The following GLB1 variants were observed in gnomAD, a reference collection of about 807,000 sequenced individuals.
The protein encoded by GLB1 is galactosidase beta 1.
A neutral mutation model predicts 74.0 loss-of-function variants in GLB1; 56 were observed. That is an observed-to-expected ratio of 0.76 (90% CI 0.61 to 0.94). The LOEUF (loss-of-function observed/expected upper bound fraction) is 0.94, where lower values mean the gene tolerates loss of function less well. GLB1 is among the 40% of genes least tolerant of loss of function. The pLI is 0.00. For synonymous variants in GLB1, 323 were observed against 323.6 expected (o/e 1.00, Z 0.02); for missense variants, 787 against 845.5 (o/e 0.93, Z 0.86).
intron 1 of GLB1, among the ~76,000 whole-genome samples, chr3:33,074,706 C>A (rs1487059727): frequency 6.6e-6 from 1 of 152,100 alleles, no homozygotes; most frequent in Non-Finnish European, 1.5e-5. Context: ...TTTTAAGAAG[C>A]CAACTAACTA....
the GLB1 span, among the ~76,000 whole-genome samples, chr3:32,964,925 C>G: frequency 6.6e-6 from 1 of 152,094 alleles, no homozygotes; most frequent in South Asian, 2.1e-4. Flanking sequence ...CTCATGAGAT[C>G]TGATGGTTTT....
chr3:33,095,584 G>A (rs1297722455), intron 1 of GLB1, among the ~76,000 whole-genome samples: 1 of 152,202 alleles, frequency 6.6e-6, no homozygotes, highest in Non-Finnish European at 1.5e-5. Flanking sequence ...GCCTCCCTGT[G>A]TGGGCCTCAG....
the GLB1 span, among the ~76,000 whole-genome samples, chr3:32,984,681 T>C: frequency 6.6e-6 from 1 of 152,066 alleles, no homozygotes; most frequent in Admixed American, 6.5e-5. Flanking sequence ...CCCAGCACTT[T>C]GGGAGGCTGA....
chr3:33,068,714 G>A, intron 3 of GLB1, 106 bp downstream of exon 3: 2 of 1,595,422 alleles, frequency 1.3e-6, no homozygotes, highest in Non-Finnish European at 8.5e-7. Flanking sequence ...TACAGTCCCA[G>A]GCCCCATGCT....
At chr3:33,071,983 G>C (rs150802955) in intron 2 of GLB1, among the ~76,000 whole-genome samples, 2 of 152,302 alleles carry the variant, frequency 1.3e-5, no homozygotes, top group East Asian at 3.9e-4. Flanking sequence ...TGGAATCTAA[G>C]TGTAAAAAGT....
chr3:33,026,439 C>T (rs1697760654), intron 10 of GLB1, among the ~76,000 whole-genome samples: 1 of 152,170 alleles, frequency 6.6e-6, no homozygotes, highest in African/African-American at 2.4e-5. Flanking sequence ...TGTAGGCGTC[C>T]CTTGGCACAA....
At chr3:33,068,359 C>G in intron 3 of GLB1, 69 bp from the exon 4 acceptor site, 1 of 1,593,230 alleles carries the variant, frequency 6.3e-7, no homozygotes. Flanking sequence ...ATAGAAATTA[C>G]TATTAGTAGT....
the GLB1 span, among the ~76,000 whole-genome samples, chr3:32,977,206 A>AG: frequency 7.8e-6 from 1 of 128,406 alleles, no homozygotes; most frequent in South Asian, 3.2e-4. Flanking sequence ...AACCTCATCT[A>AG]GATTTTTTTT....
chr3:33,056,978 T>C (rs149342406), intron 6 of GLB1, among the ~76,000 whole-genome samples: 4 of 152,340 alleles, frequency 2.6e-5, no homozygotes, highest in African/African-American at 9.6e-5. Flanking sequence ...TTGATATGGT[T>C]TGGATCTGTG....
chr3:33,028,667 T>A (rs76236592), intron 10 of GLB1, among the ~76,000 whole-genome samples: 11,809 of 128,302 alleles, frequency 0.092, 554 homozygotes, highest in East Asian at 0.26. Flanking sequence ...TACCCAAAAA[T>A]TTTTTTTTTT....
chr3:33,059,995 T>C (rs1380740922), intron 5 of GLB1, among the ~76,000 whole-genome samples: 1 of 152,176 alleles, frequency 6.6e-6, no homozygotes, highest in African/African-American at 2.4e-5. Flanking sequence ...GAGGTAGCTC[T>C]AGAAGAAAAG....
intron 10 of GLB1, among the ~76,000 whole-genome samples, chr3:33,036,469 GA>G (rs768153249): frequency 7.2e-5 from 11 of 152,020 alleles, no homozygotes; most frequent in Non-Finnish European, 1.6e-4. Flanking sequence ...CACTATTTCA[GA>G]AAGAAAATAA....
chr3:32,996,403 T>A (rs1696311169), downstream of GLB1, among the ~76,000 whole-genome samples: 1 of 152,192 alleles, frequency 6.6e-6, no homozygotes, highest in Non-Finnish European at 1.5e-5. Context: ...TATCAAAAAA[T>A]TTGCATATAA....
chr3:33,042,458 C>G (rs2125507282), intron 10 of GLB1, among the ~76,000 whole-genome samples: 1 of 149,108 alleles, frequency 6.7e-6, no homozygotes, highest in South Asian at 2.2e-4. Context: ...AGCTCCACCT[C>G]CCGGGTTCAC....
chr3:33,060,972 T>G (rs11129542), intron 5 of GLB1, among the ~76,000 whole-genome samples: 125,424 of 151,846 alleles, frequency 0.83, 52,412 homozygotes, highest in Middle Eastern at 0.94. Context: ...TCTATGTTAC[T>G]ACCAATTAGG....
At chr3:33,057,679 A>G (rs1203927371) in intron 6 of GLB1, among the ~76,000 whole-genome samples, 2 of 152,186 alleles carry the variant, frequency 1.3e-5, no homozygotes, top group Non-Finnish European at 2.9e-5. Flanking sequence ...CCAAGGCATA[A>G]CCCCGAGTGT....
At chr3:33,057,908 G>T (rs1227848377) in intron 6 of GLB1, among the ~76,000 whole-genome samples, 181 bp downstream of exon 6, 1 of 152,150 alleles carries the variant, frequency 6.6e-6, no homozygotes, top group Non-Finnish European at 1.5e-5. Flanking sequence ...GGAAGCTCTT[G>T]GCCTACAGAT....
At chr3:33,027,119 T>C (rs1197096105) in intron 10 of GLB1, among the ~76,000 whole-genome samples, 3 of 152,208 alleles carry the variant, frequency 2.0e-5, no homozygotes, top group Admixed American at 2.0e-4. Flanking sequence ...GGGCTGTGAC[T>C]CTCTCTTTGG....
At chr3:32,981,517 T>C in the GLB1 span, among the ~76,000 whole-genome samples, 1 of 151,936 alleles carries the variant, frequency 6.6e-6, no homozygotes, top group African/African-American at 2.4e-5. Context: ...CTCACATCTG[T>C]AACCCCAGCA....
Sources: allele counts gnomAD v4.1 joint callset (sites outside exome capture counted in the v4.1 genomes callset), GRCh38; gene constraint gnomAD v4.1.1; transcripts MANE v1.5; gene names NCBI Gene and HGNC (gene_info 2026-07-23, HGNC 2026-07-21).